Variants in ATXN2L observed in about 807,000 individuals in gnomAD.
ATXN2L encodes ataxin 2 like, also known as ataxin-2-like protein.
Under a neutral mutation model 120.7 loss-of-function variants are expected in ATXN2L, and 24 were observed. The observed-to-expected ratio is 0.20, with a 90% CI of 0.14 to 0.28. ATXN2L has a LOEUF of 0.28. ATXN2L is among the 10% of genes least tolerant of loss of function. The pLI is 1.00. For missense variants in ATXN2L, 1,312 were observed against 1,432.3 expected (o/e 0.92, Z 1.36); for synonymous variants, 653 against 568.1 (o/e 1.15, Z -2.13).
intron 1 of ATXN2L, chr16:28,824,288 C>G: frequency 8.6e-7 from 1 of 1,168,442 alleles, no homozygotes; most frequent in South Asian, 1.6e-5. Flanking sequence ...TTTTCCTGTG[C>G]GAGTGTGTGT....
At position 28,835,926 on chromosome 16, in the gene ATXN2L, T is replaced by C; in HGVS notation, c.2896-7T>C. 2 of 1,544,850 alleles carry C rather than the reference T, an allele frequency of 1.3e-6. No individual in the cohort carries two copies. The highest frequency in any genetic ancestry group is 1.7e-6 in the Non-Finnish European group (2 of 1,145,718). On this transcript the variant is annotated splice_region_variant and splice_polypyrimidine_tract_variant and intron_variant, in intron 21 of 21. Coordinates refer to ENST00000336783, the MANE Select transcript of ATXN2L (RefSeq NM_007245.4). ...GGTCTTCCCGGCTACTTTTTTGTTT[T>C]CCACAGGCCCATGTCCAAACTGGAA...
chr16:28,836,843 C>T lies in ATXN2L; in HGVS notation c.*578C>T, dbSNP rs1411317051. 1.9e-6 allele frequency: 3 copies of T among 1,593,316 alleles called. No homozygotes were observed. The highest frequency in any genetic ancestry group is 1.1e-5 in the South Asian group (1 of 90,172). ...GGAAGAGTGATCTATGTCTCTTCCC[C>T]CAGCAGCTCGGACCACTCCCAGCCC... On this transcript the variant is annotated 3_prime_UTR_variant, in exon 22 of 22. Transcript: ENST00000336783.
chr16:28,824,322 A>G (rs906029107), intron 1 of ATXN2L: 45 of 1,200,516 alleles, frequency 3.7e-5, no homozygotes, highest in Non-Finnish European at 4.8e-5. Context: ...TAAGAGTGGC[A>G]GCACACGCAG....
intron 8 of ATXN2L, 64 bp from the exon 9 acceptor site, chr16:28,830,551 T>C: frequency 2.1e-6 from 3 of 1,447,506 alleles, no homozygotes; most frequent in Non-Finnish European, 1.9e-6. Flanking sequence ...GAAGAAGAAA[T>C]GGCTTCATCT....
intron 1 of ATXN2L, 146 bp from the exon 2 acceptor site, chr16:28,825,220 A>G (rs2051408469): frequency 2.4e-6 from 2 of 824,464 alleles, no homozygotes; most frequent in Non-Finnish European, 4.0e-6. Context: ...CTGTCTCAAA[A>G]AAAATAGAAA....
rs772096309 is a variant in ATXN2L at position 28,823,347 on chromosome 16, G to T, written c.88G>T (p.Gly30Cys). ...QQAVARRPPGGTSPPNGGLPG... is the reference protein window; with the variant it reads ...QQAVARRPPGCTSPPNGGLPG... ...GGCCGTGGCCCGTCGGCCCCCCGGG[G>T]GCACCAGCCCTCCCAACGGCGGCCT... The change falls in exon 1 of 22, where the codon GGC (glycine) becomes TGC (cysteine). Residue 30 changes from glycine to cysteine, a missense_variant. Physicochemically the swap from Gly to Cys is radical, Grantham distance 159. Coordinates refer to ENST00000336783, the MANE Select transcript of ATXN2L (RefSeq NM_007245.4). 54 of 1,378,016 alleles carry T rather than the reference G, an allele frequency of 3.9e-5. No individual in the cohort carries two copies. Among genetic ancestry groups the T allele is most frequent in the Non-Finnish European group, 4.5e-5 (48 of 1,067,926 alleles). The allele number at this position is 1,378,016 out of a possible 1,614,324, so 85.4% of individuals were successfully genotyped here.
intron 8 of ATXN2L, 118 bp from the exon 9 acceptor site, chr16:28,830,497 C>T (rs1052236437): frequency 2.1e-6 from 2 of 967,870 alleles, no homozygotes; most frequent in African/African-American, 1.7e-5. Context: ...GGTGCTGGAG[C>T]CAGGCAGTGT....
In ATXN2L at chr16:28,825,234, C is replaced by T; in HGVS notation, c.300-132C>T. The T allele has an allele frequency of 5.6e-6, 5 of 896,508 alleles. 1 individual carries two copies. The South Asian group carries it at 7.8e-5, about 14-fold the overall frequency. 55.5% of individuals were successfully genotyped at this position (896,508 alleles called of 1,614,324 possible). ...CCTGTCTCAAAAAAAATAGAAAAAT[C>T]TTACTGATTAACAATTTTGTAGTCT... On this transcript the variant is annotated intron_variant, in intron 1 of 21. Coordinates refer to ENST00000336783, the MANE Select transcript of ATXN2L (RefSeq NM_007245.4).
rs1318900610 is a variant in ATXN2L, at chr16:28,829,426, T to C, written c.767T>C (p.Met256Thr). 6.2e-7 allele frequency: 1 copy of C among 1,613,270 alleles called. No individual in the cohort carries two copies. Among genetic ancestry groups the C allele is most frequent in the Non-Finnish European group, 8.5e-7 (1 of 1,179,368 alleles). ...TCCAATGGATGGGACCCCAATGAAA[T>C]GTTCAAGTTCAATGAGGAGAACTAC... ...DMSNGWDPNE[M>T]FKFNEENYGV... Residue 256 changes from methionine (M) to threonine (T), a missense_variant, in exon 7 of 22, where the codon ATG becomes ACG. By Grantham distance (81) the Met-to-Thr change is moderately conservative. Transcript: ENST00000336783.
chr16:28,835,956 A>G lies in ATXN2L; in HGVS notation c.2919A>G (p.Thr973=). ...AGGCCCATGTCCAAACTGGAATCAC[A>G]GCAGCCCCGCCCCCTCACCCTGGGG... is the stretch of plus-strand genomic sequence containing the variant. ...VTQAHVQTGI[T]AAPPPHPGAP... is the part of the protein sequence containing the mutation. The change falls in exon 22 of 22, where the codon ACA becomes ACG. Residue 973 remains threonine, a synonymous_variant. Coordinates refer to ENST00000336783, the MANE Select transcript of ATXN2L (RefSeq NM_007245.4). 6.5e-7 allele frequency: 1 copy of G among 1,541,258 alleles called. No homozygotes were observed. The highest frequency in any genetic ancestry group is 8.7e-7 in the Non-Finnish European group (1 of 1,144,510).
Position 28,823,243 on chromosome 16 carries a change from T to C in ATXN2L, c.-17T>C. 1 of 1,394,994 alleles carries C rather than the reference T, an allele frequency of 7.2e-7. No individual in the cohort carries two copies. The highest frequency in any genetic ancestry group is 9.4e-7 in the Non-Finnish European group (1 of 1,065,258). The allele number at this position is 1,394,994 out of a possible 1,614,324, so 86.4% of individuals were successfully genotyped here. A position where few individuals can be genotyped will look rare whatever the true frequency, so the allele number is the denominator to read the frequency against. Reference sequence around the variant, plus strand: ...CTCCCTCCCTTCTCTCTAATTCCCCTTCCGGACGCTGCCATCATGTTGAAG... The same window carrying C: ...CTCCCTCCCTTCTCTCTAATTCCCCCTCCGGACGCTGCCATCATGTTGAAG... On this transcript the variant is annotated 5_prime_UTR_variant, in exon 1 of 22. Transcript: ENST00000336783.
chr16:28,836,862 C>G lies in ATXN2L; in HGVS notation c.*597C>G, dbSNP rs757568386. The G allele has an allele frequency of 4.2e-5, 60 of 1,428,526 alleles. No homozygotes were observed. Among genetic ancestry groups the G allele is most frequent in the Non-Finnish European group, 5.2e-5 (53 of 1,025,476 alleles). The allele number at this position is 1,428,526 out of a possible 1,614,324, so 88.5% of individuals were successfully genotyped here. A position where few individuals can be genotyped will look rare whatever the true frequency, so the allele number is the denominator to read the frequency against. The stretch of plus-strand genomic sequence containing the variant: ...CTTCCCCCAGCAGCTCGGACCACTC[C>G]CAGCCCCCCATCCCCCCGTTCCCCA... On this transcript the variant is annotated 3_prime_UTR_variant, in exon 22 of 22. Transcript: ENST00000336783.
intron 8 of ATXN2L, 24 bp downstream of exon 8, chr16:28,830,082 C>G: frequency 1.3e-6 from 2 of 1,591,878 alleles, no homozygotes; most frequent in Non-Finnish European, 1.7e-6. Context: ...ACAGCCAGGA[C>G]TACTTGGGGC....
At position 28,834,885 on chromosome 16, in the gene ATXN2L, C is replaced by G. The variant is rs146878966; in HGVS notation, c.2434-173C>G. On this transcript the variant is annotated intron_variant, in intron 18 of 21. Coordinates refer to ENST00000336783, the MANE Select transcript of ATXN2L (RefSeq NM_007245.4). ...GTACCTGTAACAAGGCATTGGACAT[C>G]TGTATCTCTGAAGTGTAGAGAAAAT... 327 of 1,140,134 alleles carry G rather than the reference C, an allele frequency of 2.9e-4. 2 individuals carry two copies. In the African/African-American group the frequency reaches 4.5e-3, roughly 16 times the overall value. 70.6% of individuals were successfully genotyped at this position (1,140,134 alleles called of 1,614,324 possible).
At chr16:28,830,147 C>T (rs2053796273) in intron 8 of ATXN2L, 89 bp downstream of exon 8, 2 of 1,293,650 alleles carry the variant, frequency 1.5e-6, no homozygotes, top group Non-Finnish European at 2.1e-6. Flanking sequence ...GTGGTTTAAG[C>T]CTTGTGACCA....
chr16:28,823,838 C>G, intron 1 of ATXN2L: 1 of 355,080 alleles, frequency 2.8e-6, no homozygotes, highest in Non-Finnish European at 4.9e-6. Flanking sequence ...CCGGCGCCGT[C>G]GGAACGGGGA....
At chr16:28,829,702 C>T in intron 7 of ATXN2L, 156 bp from the exon 8 acceptor site, 1 of 822,908 alleles carries the variant, frequency 1.2e-6, no homozygotes, top group Admixed American at 2.4e-5. Context: ...CCTTGGTGCT[C>T]TACCTGGGAT....
At chr16:28,828,056 A>G (rs764268240) in intron 6 of ATXN2L, among the ~76,000 whole-genome samples, 5 of 152,340 alleles carry the variant, frequency 3.3e-5, no homozygotes, top group Non-Finnish European at 7.3e-5. Context: ...GCTGTTTTCA[A>G]ATATACACAC....
At chr16:28,833,904 A>G in intron 15 of ATXN2L, 161 bp from the exon 16 acceptor site, 2 of 833,222 alleles carry the variant, frequency 2.4e-6, no homozygotes, top group Non-Finnish European at 3.7e-6. Context: ...TAACTTTAGA[A>G]TACTCATCTC....
Sources: allele counts gnomAD v4.1 joint callset (sites outside exome capture counted in the v4.1 genomes callset), GRCh38; gene constraint gnomAD v4.1.1; transcripts MANE v1.5; gene names NCBI Gene and HGNC (gene_info 2026-07-23, HGNC 2026-07-21).